Variants in ITGAE observed in about 807,000 individuals in gnomAD.
The protein encoded by ITGAE is integrin subunit alpha E, also known as integrin alpha-E.
A neutral mutation model predicts 136.5 loss-of-function variants in ITGAE; 99 were observed. That is an observed-to-expected ratio of 0.73 (90% CI 0.62 to 0.86). The LOEUF (loss-of-function observed/expected upper bound fraction) is 0.86. Among genes scored for constraint, ITGAE ranks in the 40% least tolerant of loss-of-function variants. The probability of loss-of-function intolerance (pLI) is 0.00; values close to 1 mark genes in which losing one functional copy is unlikely to be tolerated. For missense variants in ITGAE, 1,447 were observed against 1,515.3 expected, an observed-to-expected ratio of 0.95 and a Z score of 0.75; for synonymous variants, 613 against 591.8, an observed-to-expected ratio of 1.04 and a Z score of -0.52.
chr17:3,753,264 G>GT, intron 14 of ITGAE, 26 bp downstream of exon 14: 2 of 1,607,514 alleles, frequency 1.2e-6, no homozygotes, highest in African/African-American at 2.7e-5. Context: ...GCCTCAGCAA[G>GT]CTCATGAAGA....
intron 20 of ITGAE, among the ~76,000 whole-genome samples, chr17:3,735,418 C>T (rs1412558888): frequency 6.6e-6 from 1 of 152,144 alleles, no homozygotes; most frequent in African/African-American, 2.4e-5. Context: ...CCGCCTGCCT[C>T]GGCCTCCCAA....
At chr17:3,757,195 G>A (rs1255817643) in intron 9 of ITGAE, 61 bp from the exon 10 acceptor site, 5 of 1,572,558 alleles carry the variant, frequency 3.2e-6, no homozygotes, top group Non-Finnish European at 4.3e-6. Flanking sequence ...CCCAGGGAGA[G>A]AGCTGAGCCC....
Position 3,759,447 on chromosome 17 carries a change from T to C in ITGAE, c.821A>G (p.Gln274Arg). The C allele has an allele frequency of 6.2e-7, 1 of 1,614,196 alleles. No individual in the cohort carries two copies. The highest frequency in any genetic ancestry group is 8.5e-7 in the Non-Finnish European group (1 of 1,180,030). The change falls in exon 8 of 31, where the codon CAA becomes CGA. Residue 274 changes from glutamine (Q) to arginine (R), a missense_variant. Around this residue, in one of 3 missense-constraint regions of ITGAE, gnomAD observed 310 missense variants for 416.1 expected, o/e 0.74. Transcript: ENST00000263087. ...ASLARVQNITQVGSVTKTASA... is the reference protein window; with the variant it reads ...ASLARVQNITRVGSVTKTASA... ...GGCAGTCTTGGTGACACTCCCCACT[T>C]GAGTGATGTTCTGGACTCTGGCGAG...
chr17:3,760,032 G>A (rs1210135558), intron 7 of ITGAE, 140 bp downstream of exon 7: 2 of 638,424 alleles, frequency 3.1e-6, no homozygotes, highest in Middle Eastern at 3.4e-4. Flanking sequence ...CTCCAGGCAA[G>A]ATGGACAGAA....
intron 2 of ITGAE, among the ~76,000 whole-genome samples, chr17:3,766,098 C>T (rs1400450551): frequency 6.6e-6 from 1 of 151,982 alleles, no homozygotes; most frequent in Non-Finnish European, 1.5e-5. Context: ...TCACAAGGGT[C>T]CTTCTATGAG....
At chr17:3,744,652 T>C (rs562999533) in intron 18 of ITGAE, among the ~76,000 whole-genome samples, 2 of 152,176 alleles carry the variant, frequency 1.3e-5, no homozygotes, top group African/African-American at 4.8e-5. Context: ...TTTTACCACA[T>C]TGGTCAGGCC....
intron 1 of ITGAE, among the ~76,000 whole-genome samples, chr17:3,784,203 T>G (rs2052731100): frequency 6.6e-6 from 1 of 151,562 alleles, no homozygotes. Context: ...GAGCTTGCAG[T>G]GAGCCGAGAT....
intron 1 of ITGAE, 63 bp downstream of exon 1, chr17:3,801,046 CTG>C: frequency 6.4e-7 from 1 of 1,569,502 alleles, no homozygotes; most frequent in Non-Finnish European, 8.8e-7. Context: ...AGGCTGTAGT[CTG>C]CAGACACCTG....
chr17:3,726,263 G>T, intron 26 of ITGAE: 1 of 1,614,160 alleles, frequency 6.2e-7, no homozygotes, highest in Non-Finnish European at 8.5e-7. Flanking sequence ...AAATCCAGGA[G>T]TTCCACAGGA....
chr17:3,723,342 T>C lies in ITGAE; in HGVS notation c.3183A>G (p.Ser1061=). 1 of 1,613,998 alleles carries C rather than the reference T, an allele frequency of 6.2e-7. No individual in the cohort carries two copies. The highest frequency in any genetic ancestry group is 8.5e-7 in the Non-Finnish European group (1 of 1,179,838). The part of the protein sequence containing the change: ...EWHSVSCVIA[S]DKENVTVAAE... ...CAGCCACGGTGACATTTTCTTTATC[T>C]GAAGCGATGACACAGCTCACTGAAT... Residue 1061 remains serine, a synonymous_variant, in exon 28 of 31, where the codon TCA becomes TCG. Coordinates refer to ENST00000263087, the MANE Select transcript of ITGAE (RefSeq NM_002208.5).
intron 26 of ITGAE, among the ~76,000 whole-genome samples, chr17:3,727,711 T>G (rs1242523295): frequency 6.6e-6 from 1 of 152,122 alleles, no homozygotes; most frequent in South Asian, 2.1e-4. Context: ...TTTTTGCTTA[T>G]TTTTCCTCAA....
intron 10 of ITGAE, among the ~76,000 whole-genome samples, chr17:3,756,659 C>T (rs2052034155): frequency 6.6e-6 from 1 of 152,178 alleles, no homozygotes; most frequent in South Asian, 2.1e-4. Context: ...CCGGCCTTGG[C>T]CTCCCAGAGT....
In ITGAE at chr17:3,747,934, C is replaced by T; in HGVS notation, c.2143G>A (p.Ala715Thr). The change falls in exon 17 of 31, where the codon GCC (alanine) becomes ACC (threonine). Residue 715 changes from alanine (A) to threonine (T), a missense_variant. Ala to Thr is a moderately conservative substitution (Grantham distance 58). Around this residue, in one of 3 missense-constraint regions of ITGAE, gnomAD observed 1,031 missense variants for 1,011.4 expected, o/e 1.02. Coordinates refer to ENST00000263087, the MANE Select transcript of ITGAE (RefSeq NM_002208.5). ...ACCATTTTTTTACCTGACTCAGAGGCTGTGGTTACAGAGCTGATTTCAAAA... is the reference window on the plus strand; with the variant it reads ...ACCATTTTTTTACCTGACTCAGAGGTTGTGGTTACAGAGCTGATTTCAAAA... ...LCFEISSVTT[A>T]SESGLREALL... The T allele has an allele frequency of 6.3e-7, 1 of 1,581,770 alleles. No homozygotes were observed. Among genetic ancestry groups the T allele is most frequent in the Non-Finnish European group, 8.6e-7 (1 of 1,159,372 alleles).
chr17:3,797,235 G>T (rs1339559256), intron 1 of ITGAE, among the ~76,000 whole-genome samples: 24 of 138,852 alleles, frequency 1.7e-4, no homozygotes, highest in African/African-American at 6.3e-4. Flanking sequence ...GCGCAATCTC[G>T]GCTCACTGCA....
At chr17:3,797,292 A>T (rs1395528261) in intron 1 of ITGAE, among the ~76,000 whole-genome samples, 1 of 149,006 alleles carries the variant, frequency 6.7e-6, no homozygotes, top group African/African-American at 2.5e-5. Flanking sequence ...CAGCCTCCCG[A>T]GTAGCTGGGA....
At chr17:3,797,445 T>C (rs8074542) in intron 1 of ITGAE, among the ~76,000 whole-genome samples, 8 of 146,086 alleles carry the variant, frequency 5.5e-5, no homozygotes, top group Non-Finnish European at 1.2e-4. Context: ...GATTACAGGC[T>C]TGAGCCACTG....
At chr17:3,749,825 G>A (rs1477297330) in intron 16 of ITGAE, among the ~76,000 whole-genome samples, 2 of 151,984 alleles carry the variant, frequency 1.3e-5, no homozygotes, top group African/African-American at 4.8e-5. Context: ...AGACCAGCCT[G>A]GCCAACATGG....
At chr17:3,720,274 T>C (rs777097692) in intron 29 of ITGAE, 33 bp downstream of exon 29, 1 of 1,046,368 alleles carries the variant, frequency 9.6e-7, no homozygotes, top group South Asian at 1.3e-5. Flanking sequence ...ACAATTTTCC[T>C]TGGGCACTAC....
intron 18 of ITGAE, among the ~76,000 whole-genome samples, chr17:3,744,333 C>T (rs889803808): frequency 1.5e-4 from 23 of 151,998 alleles, no homozygotes; most frequent in African/African-American, 5.1e-4. Context: ...CATTCTACTA[C>T]GGTTTTGTGT....
Sources: allele counts gnomAD v4.1 joint callset (sites outside exome capture counted in the v4.1 genomes callset), GRCh38; gene constraint gnomAD v4.1.1; regional missense constraint gnomAD v4.1.1; transcripts MANE v1.5; gene names NCBI Gene and HGNC (gene_info 2026-07-23, HGNC 2026-07-21).